The following KIF3A variants were observed in gnomAD, a reference collection of about 807,000 sequenced individuals.
KIF3A encodes the protein kinesin-like protein KIF3A.
In KIF3A, 27 loss-of-function variants were observed where a neutral mutation model predicts 92.6. The ratio of observed to expected loss-of-function variants is 0.29; its 90% CI spans 0.21 to 0.40. The LOEUF is 0.40. Among genes scored for constraint, KIF3A ranks in the 10% least tolerant of loss-of-function variants. The pLI is 1.00. For synonymous variants in KIF3A, 250 were observed against 275.4 expected (o/e 0.91, Z 0.92); for missense variants, 581 against 872.6 (o/e 0.67, Z 4.21).
At position 132,694,871 on chromosome 5, in the gene KIF3A, A is replaced by C. The variant is rs1752781228; in HGVS notation, c.*1763T>G. 6.6e-6 allele frequency: 1 copy of C among 152,334 alleles called. No homozygotes were observed. The highest frequency in any genetic ancestry group is 6.5e-5 in the Admixed American group (1 of 15,280). 9.4% of individuals were successfully genotyped at this position (152,334 alleles called of 1,614,324 possible). A position where few individuals can be genotyped will look rare whatever the true frequency, so the allele number is the denominator to read the frequency against. On this transcript the variant is annotated 3_prime_UTR_variant, in exon 19 of 19. Coordinates refer to ENST00000403231, the MANE Select transcript of KIF3A (RefSeq NM_001300791.2). ...CAGTGAAATGCAATTCTAATCACCT[A>C]GAAAATGTTCACCACACACAGGACA...
chr5:132,716,040 C>A lies in KIF3A; in HGVS notation c.955-109G>T, dbSNP rs1753609775. ...ATTTAAAGCACATATGCACCCTTGG[C>A]CTTCTCGAAAATGAGAGTGTCAACC... is the stretch of plus-strand genomic sequence containing the variant. On this transcript the variant is annotated intron_variant, in intron 7 of 18. Coordinates refer to ENST00000403231, the MANE Select transcript of KIF3A (RefSeq NM_001300791.2). The A allele has an allele frequency of 3.2e-6, 3 of 924,504 alleles. No homozygotes were observed. The South Asian group carries it at 5.3e-5, about 16-fold the overall frequency. 57.3% of individuals were successfully genotyped at this position (924,504 alleles called of 1,614,324 possible).
intron 18 of KIF3A, among the ~76,000 whole-genome samples, chr5:132,698,487 T>TG (rs1752912954): frequency 1.3e-5 from 2 of 152,144 alleles, no homozygotes; most frequent in Non-Finnish European, 2.9e-5. Flanking sequence ...TCAAGGTTCT[T>TG]GGGGCACCTG....
intron 4 of KIF3A, among the ~76,000 whole-genome samples, chr5:132,722,021 T>A (rs1158839906): frequency 6.6e-6 from 1 of 152,246 alleles, no homozygotes; most frequent in Non-Finnish European, 1.5e-5. Flanking sequence ...TGTAATATGA[T>A]AATTTTGTAA....
At position 132,694,797 on chromosome 5, in the gene KIF3A, G is replaced by A. The variant is rs1359695412; in HGVS notation, c.*1837C>T. On this transcript the variant is annotated 3_prime_UTR_variant, in exon 19 of 19. Coordinates refer to ENST00000403231, the MANE Select transcript of KIF3A (RefSeq NM_001300791.2). ...CAGTATCTAAACAATGCCCCACAGAGTTAAGTAATAAATTTCTAGCTATCT... is the reference window on the plus strand; with the variant it reads ...CAGTATCTAAACAATGCCCCACAGAATTAAGTAATAAATTTCTAGCTATCT... 1 of 152,264 alleles carries A rather than the reference G, an allele frequency of 6.6e-6. No homozygotes were observed. The highest frequency in any genetic ancestry group is 1.5e-5 in the Non-Finnish European group (1 of 68,042). The allele number at this position is 152,264 out of a possible 1,614,324, so 9.4% of individuals were successfully genotyped here. A position where few individuals can be genotyped will look rare whatever the true frequency, so the allele number is the denominator to read the frequency against.
chr5:132,706,521 GA>G, intron 10 of KIF3A, 62 bp from the exon 11 acceptor site: 38 of 1,296,862 alleles, frequency 2.9e-5, no homozygotes, highest in South Asian at 8.5e-5. Context: ...AGATGAGGAG[GA>G]AAAAAAGGAA....
Position 132,710,970 on chromosome 5 carries a change from T to C in KIF3A, c.1217A>G (p.Lys406Arg), listed in dbSNP as rs1753401306. The C allele has an allele frequency of 5.0e-6, 8 of 1,613,840 alleles. No homozygotes were observed. The highest frequency in any genetic ancestry group is 6.8e-6 in the Non-Finnish European group (8 of 1,179,778). The change falls in exon 9 of 19, where the codon AAA (lysine) becomes AGA (arginine). Residue 406 changes from lysine to arginine, a missense_variant. Physicochemically the swap from Lys to Arg is conservative, Grantham distance 26. This residue lies in a region of KIF3A where 167 missense variants were observed against 205.8 expected (regional missense o/e 0.81). Coordinates refer to ENST00000403231, the MANE Select transcript of KIF3A (RefSeq NM_001300791.2). ...GEVGEDGEKR[K>R]KRRGSSSSSS... is the part of the protein sequence containing the mutation. ...TAAACAGAACTTACCCCTTCTTTTT[T>C]TCCTTTTCTCTCCATCTTCTCCAAC...
At chr5:132,737,331 C>T (rs1754434074) in intron 1 of KIF3A, 83 bp downstream of exon 1, 2 of 1,497,134 alleles carry the variant, frequency 1.3e-6, no homozygotes, top group Non-Finnish European at 9.0e-7. Flanking sequence ...CTGCCGGCTC[C>T]GCGCCTCCAT....
At chr5:132,697,711 G>C (rs1371639661) in intron 18 of KIF3A, 1 of 151,990 alleles carries the variant, frequency 6.6e-6, no homozygotes, top group Non-Finnish European at 1.5e-5. Flanking sequence ...AGCTACTCAG[G>C]GCACTCCAGC....
rs116215552 is a variant in KIF3A at position 132,736,465 on chromosome 5, G to T, written c.6+949C>A. ...GTGTCTTACGTCTGTAAATATGTATGATTTTCACCTCTGCCCAAGAAGGCA... is the reference window on the plus strand; with the variant it reads ...GTGTCTTACGTCTGTAAATATGTATTATTTTCACCTCTGCCCAAGAAGGCA... On this transcript the variant is annotated intron_variant, in intron 1 of 18. Transcript: ENST00000403231. Among the ~76,000 whole-genome samples the T allele has an allele frequency of 7.4e-3, 1,132 of 152,270 alleles. 5 individuals carry two copies. Among genetic ancestry groups the T allele is most frequent in the African/African-American group, 0.016 (652 of 41,556 alleles).
At position 132,737,402 on chromosome 5, in the gene KIF3A, G is replaced by A. The variant is rs1039800337; in HGVS notation, c.6+12C>T. The A allele has an allele frequency of 1.2e-6, 2 of 1,608,016 alleles. No homozygotes were observed. Among genetic ancestry groups the A allele is most frequent in the Non-Finnish European group, 1.7e-6 (2 of 1,177,636 alleles). Reference sequence around the variant, plus strand: ...TGAGAAGAAACCCCAGAAGCGAAGCGACTCTCCTCACCGGCATCTTGGCCC... The same window carrying A: ...TGAGAAGAAACCCCAGAAGCGAAGCAACTCTCCTCACCGGCATCTTGGCCC... On this transcript the variant is annotated intron_variant, in intron 1 of 18. Transcript: ENST00000403231.
rs576040483 is a variant in KIF3A at position 132,694,720 on chromosome 5, T to G, written c.*1914A>C. 1 of 152,436 alleles carries G rather than the reference T, an allele frequency of 6.6e-6. No homozygotes were observed. The highest frequency in any genetic ancestry group is 2.1e-4 in the South Asian group (1 of 4,830). 9.4% of individuals were successfully genotyped at this position (152,436 alleles called of 1,614,324 possible). On this transcript the variant is annotated 3_prime_UTR_variant, in exon 19 of 19. Transcript: ENST00000403231. ...CAAAAACATTTTATAATTACCAAAATATTCTGATCACACAAAGCTTTTACA... is the reference window on the plus strand; with the variant it reads ...CAAAAACATTTTATAATTACCAAAAGATTCTGATCACACAAAGCTTTTACA...
intron 4 of KIF3A, among the ~76,000 whole-genome samples, chr5:132,724,366 C>G (rs1324608048): frequency 1.3e-5 from 2 of 152,106 alleles, no homozygotes; most frequent in Non-Finnish European, 2.9e-5. Context: ...TGGCACTACT[C>G]ACAATAGCAA....
downstream of KIF3A, among the ~76,000 whole-genome samples, chr5:132,690,548 T>C (rs1247843949): frequency 6.6e-6 from 1 of 152,216 alleles, no homozygotes; most frequent in Non-Finnish European, 1.5e-5. Flanking sequence ...AGAAGATGTA[T>C]ATGCTAATTA....
At chr5:132,715,324 C>T (rs568767279) in intron 8 of KIF3A, among the ~76,000 whole-genome samples, 1 of 152,328 alleles carries the variant, frequency 6.6e-6, no homozygotes, top group East Asian at 1.9e-4. Context: ...TCATGCAATG[C>T]ATTTTTCCTT....
rs921296828 is a variant in KIF3A at position 132,692,998 on chromosome 5, G to C, written c.*3636C>G. ...TACCCATTCCTTAATTCACAGCCCT[G>C]TAGGAAAGAAGACTTTCCTTAAGAG... is the stretch of plus-strand genomic sequence containing the variant. On this transcript the variant is annotated 3_prime_UTR_variant, in exon 19 of 19. Coordinates refer to ENST00000403231, the MANE Select transcript of KIF3A (RefSeq NM_001300791.2). The C allele has an allele frequency of 6.6e-6, 1 of 152,554 alleles. No homozygotes were observed. Among genetic ancestry groups the C allele is most frequent in the Non-Finnish European group, 1.5e-5 (1 of 68,032 alleles). The allele number at this position is 152,554 out of a possible 1,614,324, so 9.5% of individuals were successfully genotyped here.
chr5:132,730,154 C>A (rs1754175900), intron 2 of KIF3A, among the ~76,000 whole-genome samples: 1 of 152,208 alleles, frequency 6.6e-6, no homozygotes, highest in African/African-American at 2.4e-5. Flanking sequence ...CCGTGAAAGA[C>A]AAGCTACCAA....
At chr5:132,721,716 G>GT (rs1195645514) in intron 4 of KIF3A, 1 of 119,642 alleles carries the variant, frequency 8.4e-6, no homozygotes, top group Non-Finnish European at 1.6e-5. Context: ...TCTATTAGTA[G>GT]TAAAAAAAAA....
intron 2 of KIF3A, 21 bp from the exon 3 acceptor site, chr5:132,726,519 C>T (rs1754038780): frequency 6.2e-7 from 1 of 1,607,098 alleles, no homozygotes; most frequent in Non-Finnish European, 8.5e-7. Flanking sequence ...TGAAGAGAAT[C>T]AGTTACTTCT....
chr5:132,699,286 C>T lies in KIF3A; in HGVS notation c.2017G>A (p.Val673Met). ...PDKKEKDPFE[V>M]DLSHVYLAYT... ...GCAAGATACACGTGAGAAAGGTCCACCTCAAAGGGCTAAGTAAAAGAAACA... is the reference window on the plus strand; with the variant it reads ...GCAAGATACACGTGAGAAAGGTCCATCTCAAAGGGCTAAGTAAAAGAAACA... Residue 673 changes from valine (V) to methionine (M), a missense_variant, in exon 18 of 19, where the codon GTG becomes ATG. Around this residue, in one of 5 missense-constraint regions of KIF3A, gnomAD observed 112 missense variants for 144.3 expected, o/e 0.78. Coordinates refer to ENST00000403231, the MANE Select transcript of KIF3A (RefSeq NM_001300791.2). The T allele has an allele frequency of 6.2e-7, 1 of 1,613,498 alleles. No individual in the cohort carries two copies. Among genetic ancestry groups the T allele is most frequent in the Non-Finnish European group, 8.5e-7 (1 of 1,179,752 alleles).
Sources: allele counts gnomAD v4.1 joint callset (sites outside exome capture counted in the v4.1 genomes callset), GRCh38; gene constraint gnomAD v4.1.1; regional missense constraint gnomAD v4.1.1; transcripts MANE v1.5; gene names NCBI Gene and HGNC (gene_info 2026-07-23, HGNC 2026-07-21).